Variants in HSPA9 observed in about 807,000 individuals in gnomAD.
HSPA9 encodes the protein heat shock protein family A (Hsp70) member 9, also known as stress-70 protein, mitochondrial.
A neutral mutation model predicts 81.5 loss-of-function variants in HSPA9; 28 were observed. That is an observed-to-expected ratio of 0.34 (90% CI 0.25 to 0.47). The LOEUF is 0.47. HSPA9 is among the 20% of genes least tolerant of loss of function. HSPA9 has a pLI of 1.00. For missense variants in HSPA9, 678 were observed against 838.0 expected (o/e 0.81, Z 2.36); for synonymous variants, 293 against 290.4 (o/e 1.01, Z -0.09).
Position 138,566,585 on chromosome 5 carries a change from GA to G in HSPA9, c.972+40del, listed in dbSNP as rs1221477661. 4 of 1,306,072 alleles carry G rather than the reference GA, an allele frequency of 3.1e-6. No individual in the cohort carries two copies. In the African/African-American group the frequency reaches 5.8e-5, roughly 19 times the overall value. The allele number at this position is 1,306,072 out of a possible 1,614,324, so 80.9% of individuals were successfully genotyped here. ...TATTTATTTTAAATAAGCTCCGGCT[GA>G]AAATATCCATCAAGACTGCTCGAAT... On this transcript the variant is annotated intron_variant, in intron 9 of 16. Transcript: ENST00000297185.
intron 3 of HSPA9, among the ~76,000 whole-genome samples, chr5:138,571,904 C>T (rs1358630705): frequency 1.3e-5 from 2 of 150,842 alleles, no homozygotes; most frequent in African/African-American, 2.4e-5. Context: ...TCAGGCGATC[C>T]GCCCACCTTG....
Position 138,559,894 on chromosome 5 carries a change from C to T in HSPA9, c.1380G>A (p.Arg460=). The part of the protein sequence containing the change: ...LGGVFTKLIN[R]NTTIPTKKSQ... ...TCTTCTTGGTTGGAATAGTGGTATT[C>T]CTATTAATAAGTTTGGTAAAGACAC... The change falls in exon 11 of 17, where the codon AGG becomes AGA. Residue 460 remains arginine, a synonymous_variant. Coordinates refer to ENST00000297185, the MANE Select transcript of HSPA9 (RefSeq NM_004134.7). 1 of 1,613,316 alleles carries T rather than the reference C, an allele frequency of 6.2e-7. No individual in the cohort carries two copies. Among genetic ancestry groups the T allele is most frequent in the East Asian group, 2.2e-5 (1 of 44,880 alleles).
chr5:138,565,699 T>C (rs1357739297), intron 9 of HSPA9, among the ~76,000 whole-genome samples: 1 of 152,198 alleles, frequency 6.6e-6, no homozygotes, highest in Non-Finnish European at 1.5e-5. Context: ...CAGCTCTTTT[T>C]CTAGACTGGT....
intron 9 of HSPA9, among the ~76,000 whole-genome samples, chr5:138,565,146 A>G (rs965751757): frequency 6.6e-6 from 1 of 152,216 alleles, no homozygotes. Context: ...ATGTCTATCA[A>G]TAGGATGCAG....
intron 10 of HSPA9, among the ~76,000 whole-genome samples, 192 bp downstream of exon 10, chr5:138,561,388 C>A (rs1264787641): frequency 6.6e-6 from 1 of 152,136 alleles, no homozygotes; most frequent in Non-Finnish European, 1.5e-5. Flanking sequence ...GGATTATAGG[C>A]GTGAACCACC....
intron 10 of HSPA9, 97 bp from the exon 11 acceptor site, chr5:138,560,188 A>C: frequency 9.6e-5 from 78 of 810,996 alleles, no homozygotes; most frequent in Non-Finnish European, 1.5e-4. Flanking sequence ...GCCAGATCTC[A>C]AGACAGGCTA....
intron 10 of HSPA9, chr5:138,560,643 C>G (rs1228733441): frequency 4.8e-6 from 1 of 206,682 alleles, no homozygotes; most frequent in Non-Finnish European, 1.0e-5. Context: ...TCACCGCAAG[C>G]TCCACCTCCT....
intron 9 of HSPA9, among the ~76,000 whole-genome samples, chr5:138,564,337 C>T (rs966842943): frequency 1.3e-5 from 2 of 152,244 alleles, no homozygotes; most frequent in African/African-American, 4.8e-5. Context: ...CTCCTGACCT[C>T]AAGTGATTCA....
In HSPA9 at chr5:138,567,118, G is replaced by C. The variant is rs779217357; in HGVS notation, c.762C>G (p.Ile254Met). 6.2e-7 allele frequency: 1 copy of C among 1,612,912 alleles called. No individual in the cohort carries two copies. Among genetic ancestry groups the C allele is most frequent in the African/African-American group, 1.3e-5 (1 of 74,762 alleles). ...CAAATACTCCTTTCTGAATTTCCAG[G>C]ATAGAAATATCAAAAGTTCCACCAC... ...DLGGGTFDIS[I>M]LEIQKGVFEV... Residue 254 changes from isoleucine to methionine, a missense_variant, in exon 8 of 17, where the codon ATC (isoleucine) becomes ATG (methionine). Physicochemically the swap from Ile to Met is conservative, Grantham distance 10 (BLOSUM62 1). Around this residue, in one of 4 missense-constraint regions of HSPA9, gnomAD observed 484 missense variants for 647.5 expected, o/e 0.75. Coordinates refer to ENST00000297185, the MANE Select transcript of HSPA9 (RefSeq NM_004134.7).
chr5:138,571,317 A>G (rs6874487), intron 3 of HSPA9, among the ~76,000 whole-genome samples, 176 bp from the exon 4 acceptor site: 68,592 of 151,890 alleles, frequency 0.45, 16,860 homozygotes, highest in East Asian at 0.8. Flanking sequence ...AGTAGCTGGT[A>G]CTATAGGCGT....
chr5:138,560,566 T>TC (rs1053547945), intron 10 of HSPA9, among the ~76,000 whole-genome samples: 9 of 147,894 alleles, frequency 6.1e-5, no homozygotes, highest in African/African-American at 1.8e-4. Flanking sequence ...TTCTTCTTCT[T>TC]TTTTTTTTTT....
At chr5:138,571,770 G>A (rs1274282764) in intron 3 of HSPA9, among the ~76,000 whole-genome samples, 3 of 150,526 alleles carry the variant, frequency 2.0e-5, no homozygotes, top group Non-Finnish European at 3.0e-5. Context: ...AGCCTCCTGA[G>A]TAGCTGGGAT....
intron 1 of HSPA9, chr5:138,574,630 G>A (rs1751043143): frequency 5.9e-6 from 1 of 170,016 alleles, no homozygotes; most frequent in Admixed American, 5.8e-5. Context: ...CTCCTTCCAA[G>A]CCTTCCTTAA....
chr5:138,558,462 C>T (rs1750581091), intron 12 of HSPA9, 91 bp downstream of exon 12: 3 of 879,530 alleles, frequency 3.4e-6, no homozygotes, highest in Non-Finnish European at 5.8e-6. Flanking sequence ...TATGTGTATG[C>T]CAGCAGTTTA....
intron 10 of HSPA9, among the ~76,000 whole-genome samples, chr5:138,560,386 G>A (rs1190828498): frequency 1.3e-5 from 2 of 152,154 alleles, no homozygotes; most frequent in Non-Finnish European, 2.9e-5. Flanking sequence ...TTGAAACAGA[G>A]GATGCAAGGC....
rs1343162952 is a variant in HSPA9, at chr5:138,567,513, T to C, written c.658A>G (p.Ile220Val). ...AGAGCAGCAGCTGTGGGCTCATTAATCACCCGAAGCACATTCAGTCCAGAT... is the reference window on the plus strand; with the variant it reads ...AGAGCAGCAGCTGTGGGCTCATTAACCACCCGAAGCACATTCAGTCCAGAT... ...QISGLNVLRV[I>V]NEPTAAALAY... Residue 220 changes from isoleucine to valine, a missense_variant, in exon 7 of 17, where the codon ATT (isoleucine) becomes GTT (valine). By Grantham distance (29) the Ile-to-Val change is conservative. Transcript: ENST00000297185. 6.2e-7 allele frequency: 1 copy of C among 1,614,198 alleles called. No homozygotes were observed. Among genetic ancestry groups the C allele is most frequent in the South Asian group, 1.1e-5 (1 of 91,090 alleles).
intron 11 of HSPA9, 58 bp from the exon 12 acceptor site, chr5:138,558,715 A>G: frequency 9.1e-7 from 1 of 1,098,056 alleles, no homozygotes; most frequent in Non-Finnish European, 1.4e-6. Context: ...CCATTTCTAT[A>G]GAAAAAATGA....
At chr5:138,573,611 C>T in intron 3 of HSPA9, 152 bp downstream of exon 3, 2 of 608,764 alleles carry the variant, frequency 3.3e-6, no homozygotes, top group South Asian at 3.4e-5. Flanking sequence ...CGTGCCACTG[C>T]ACTCCACCAT....
chr5:138,560,827 C>T (rs1433518594), intron 10 of HSPA9: 19 of 426,588 alleles, frequency 4.5e-5, no homozygotes, highest in South Asian at 1.4e-4. Flanking sequence ...GGATTACAGG[C>T]GTAAGCCACT....
Sources: allele counts gnomAD v4.1 joint callset (sites outside exome capture counted in the v4.1 genomes callset), GRCh38; gene constraint gnomAD v4.1.1; regional missense constraint gnomAD v4.1.1; transcripts MANE v1.5; gene names NCBI Gene and HGNC (gene_info 2026-07-23, HGNC 2026-07-21).